The following CNOT2 variants were observed in gnomAD, a reference collection of about 807,000 sequenced individuals.
The protein encoded by CNOT2 is CCR4-NOT transcription complex subunit 2.
A neutral mutation model predicts 72.1 loss-of-function variants in CNOT2; 7 were observed. The ratio of observed to expected loss-of-function variants is 0.10; its 90% CI spans 0.06 to 0.18. The LOEUF (loss-of-function observed/expected upper bound fraction) is 0.18, where lower values mean the gene tolerates loss of function less well. Among genes scored for constraint, CNOT2 ranks in the 10% least tolerant of loss-of-function variants. The pLI, the probability that CNOT2 is intolerant of heterozygous loss-of-function variation, is 1.00. For synonymous variants in CNOT2, 196 were observed against 225.6 expected (o/e 0.87, Z 1.17); for missense variants, 345 against 660.3 (o/e 0.52, Z 5.23).
intron 1 of CNOT2, among the ~76,000 whole-genome samples, chr12:70,260,200 AT>A (rs1374589561): frequency 1.3e-5 from 2 of 152,184 alleles, no homozygotes; most frequent in Non-Finnish European, 2.9e-5. Flanking sequence ...ACCAGGTGGA[AT>A]TTTGATAGAA....
At chr12:70,320,043 T>C (rs1225399502) in intron 4 of CNOT2, among the ~76,000 whole-genome samples, 1 of 151,714 alleles carries the variant, frequency 6.6e-6, no homozygotes, top group Non-Finnish European at 1.5e-5. Context: ...TCTTTATATT[T>C]TCTCAAATTA....
intron 1 of CNOT2, among the ~76,000 whole-genome samples, chr12:70,259,383 A>G (rs538129945): frequency 1.4e-3 from 212 of 152,216 alleles, no homozygotes; most frequent in African/African-American, 4.8e-3. Context: ...AAGGAAGTTT[A>G]CATATAATAC....
intron 1 of CNOT2, among the ~76,000 whole-genome samples, chr12:70,258,101 C>T (rs1958548428): frequency 6.6e-6 from 1 of 152,054 alleles, no homozygotes; most frequent in African/African-American, 2.4e-5. Context: ...TTCACGTTTT[C>T]TGTTTATGTT....
chr12:70,247,577 G>A (rs1312073400), intron 1 of CNOT2, among the ~76,000 whole-genome samples: 1 of 152,050 alleles, frequency 6.6e-6, no homozygotes, highest in African/African-American at 2.4e-5. Flanking sequence ...CTCCTCTTTG[G>A]TATCACTTTC....
intron 2 of CNOT2, among the ~76,000 whole-genome samples, chr12:70,284,749 T>C (rs1184721103): frequency 6.6e-6 from 1 of 152,206 alleles, no homozygotes; most frequent in Non-Finnish European, 1.5e-5. Flanking sequence ...CTGATACTTT[T>C]TTTATTATCA....
At chr12:70,346,348 T>C (rs1882164782) in intron 15 of CNOT2, 24 bp downstream of exon 15, 2 of 1,592,114 alleles carry the variant, frequency 1.3e-6, no homozygotes, top group Non-Finnish European at 1.7e-6. Context: ...CATGTGCAAA[T>C]GTATAAATCT....
intron 2 of CNOT2, among the ~76,000 whole-genome samples, chr12:70,297,367 T>C (rs1407049965): frequency 6.6e-6 from 1 of 152,174 alleles, no homozygotes. Flanking sequence ...GAGTGAAAAT[T>C]TGTTACTCAG....
chr12:70,304,956 C>G (rs12321218), intron 2 of CNOT2, among the ~76,000 whole-genome samples: 3 of 152,310 alleles, frequency 2.0e-5, no homozygotes, highest in South Asian at 2.1e-4. Context: ...GCTCCGTGGG[C>G]GTAGGACCCT....
At chr12:70,324,460 G>C (rs1380129575) in intron 4 of CNOT2, among the ~76,000 whole-genome samples, 1 of 151,782 alleles carries the variant, frequency 6.6e-6, no homozygotes, top group African/African-American at 2.4e-5. Context: ...TTTGTAGATA[G>C]AGCTAACAGG....
intron 1 of CNOT2, among the ~76,000 whole-genome samples, chr12:70,267,417 G>A (rs192614704): frequency 3.2e-4 from 48 of 152,106 alleles, no homozygotes; most frequent in African/African-American, 9.6e-4. Context: ...GTACTTAATC[G>A]CTCCTTTCTT....
chr12:70,328,843 G>A (rs926860108), intron 4 of CNOT2, among the ~76,000 whole-genome samples: 1 of 151,400 alleles, frequency 6.6e-6, no homozygotes, highest in Non-Finnish European at 1.5e-5. Flanking sequence ...GTCTTTTATA[G>A]CTATATCAGT....
At chr12:70,308,591 C>G (rs1039293044) in intron 2 of CNOT2, among the ~76,000 whole-genome samples, 3 of 151,680 alleles carry the variant, frequency 2.0e-5, no homozygotes, top group African/African-American at 7.3e-5. Flanking sequence ...CTCTCACACA[C>G]ACACACACAC....
At chr12:70,285,697 T>C (rs1207185613) in intron 2 of CNOT2, 1 of 152,062 alleles carries the variant, frequency 6.6e-6, no homozygotes, top group East Asian at 1.9e-4. Context: ...CTTGACAAAG[T>C]GTCCCCATGA....
At chr12:70,283,846 T>C (rs528965990) in intron 2 of CNOT2, among the ~76,000 whole-genome samples, 25 of 152,002 alleles carry the variant, frequency 1.6e-4, no homozygotes, top group African/African-American at 5.3e-4. Flanking sequence ...GTTGCTCTTA[T>C]AATTACATTT....
At chr12:70,303,165 T>C (rs1874431103) in intron 2 of CNOT2, among the ~76,000 whole-genome samples, 3 of 152,214 alleles carry the variant, frequency 2.0e-5, no homozygotes, top group Admixed American at 1.3e-4. Context: ...CTTGACTCTT[T>C]ATCCAATTTG....
At position 70,337,384 on chromosome 12, in the gene CNOT2, C is replaced by T. The variant is rs1880853496; in HGVS notation, c.776-5C>T. The T allele has an allele frequency of 3.7e-6, 6 of 1,602,552 alleles. No individual in the cohort carries two copies. The highest frequency in any genetic ancestry group is 5.1e-6 in the Non-Finnish European group (6 of 1,171,010). On this transcript the variant is annotated splice_polypyrimidine_tract_variant and splice_region_variant and intron_variant, in intron 8 of 15. Transcript: ENST00000229195. Reference sequence around the variant, plus strand: ...GCAATTCTCCGGATTATTTTCATTACATAGTTGGAATGGTAACAAAACCAG... The same window carrying T: ...GCAATTCTCCGGATTATTTTCATTATATAGTTGGAATGGTAACAAAACCAG...
chr12:70,311,180 C>G (rs1019619993), intron 3 of CNOT2, among the ~76,000 whole-genome samples, 163 bp downstream of exon 3: 10 of 151,804 alleles, frequency 6.6e-5, no homozygotes, highest in African/African-American at 2.4e-4. Context: ...GATACAAAGA[C>G]AATGAATTTG....
intron 14 of CNOT2, chr12:70,345,789 A>C (rs1320038051): frequency 6.4e-6 from 1 of 155,516 alleles, no homozygotes; most frequent in Non-Finnish European, 1.4e-5. Context: ...AATAATGCAA[A>C]TAGTTGGAGA....
chr12:70,323,897 G>A (rs1339860450), intron 4 of CNOT2: 1 of 151,292 alleles, frequency 6.6e-6, no homozygotes, highest in South Asian at 2.1e-4. Flanking sequence ...CTTTTCATAA[G>A]TATGACACAC....
Sources: allele counts gnomAD v4.1 joint callset (sites outside exome capture counted in the v4.1 genomes callset), GRCh38; gene constraint gnomAD v4.1.1; transcripts MANE v1.5; gene names NCBI Gene and HGNC (gene_info 2026-07-23, HGNC 2026-07-21).